The following EFR3B variants were observed in gnomAD, a reference collection of about 807,000 sequenced individuals.
The protein encoded by EFR3B is EFR3 homolog B.
In EFR3B, 64 loss-of-function variants were observed where a neutral mutation model predicts 104.7. That is an observed-to-expected ratio of 0.61 (90% CI 0.50 to 0.75). The LOEUF is 0.75. Ranked by LOEUF, EFR3B falls within the 30% of genes least tolerant of loss-of-function variation. The pLI is 0.00. For missense variants in EFR3B, 750 were observed against 1,078.5 expected (o/e 0.70, Z 4.27); for synonymous variants, 385 against 417.9 (o/e 0.92, Z 0.96).
At chr2:25,108,666 A>G (rs1193343794) in intron 4 of EFR3B, among the ~76,000 whole-genome samples, 2 of 152,226 alleles carry the variant, frequency 1.3e-5, no homozygotes, top group Admixed American at 6.5e-5. Flanking sequence ...AAGCAAAAGC[A>G]ATTATAGAAA....
At chr2:25,094,296 A>AAAAAAG (rs1192977582) in intron 3 of EFR3B, among the ~76,000 whole-genome samples, 1 of 150,996 alleles carries the variant, frequency 6.6e-6, no homozygotes, top group African/African-American at 2.4e-5. Context: ...AAAAAAAAAA[A>AAAAAAG]AAAAAGAAAA....
chr2:25,133,269 T>A, intron 11 of EFR3B, 114 bp from the exon 12 acceptor site: 1 of 1,197,904 alleles, frequency 8.3e-7, no homozygotes, highest in South Asian at 1.3e-5. Context: ...CTGTCCTGGG[T>A]AACCCAACAC....
At chr2:25,104,423 A>T (rs543848785) in intron 4 of EFR3B, among the ~76,000 whole-genome samples, 1 of 152,354 alleles carries the variant, frequency 6.6e-6, no homozygotes, top group South Asian at 2.1e-4. Context: ...AAGTTGTGCA[A>T]CCATTAACAC....
rs183372810 is a variant in EFR3B, at chr2:25,085,756, C to T, written c.8-5569C>T. On this transcript the variant is annotated intron_variant, in intron 1 of 22. Coordinates refer to ENST00000403714, the MANE Select transcript of EFR3B (RefSeq NM_014971.2). ...CTGGGATTACAGGTGTGAGCCACCG[C>T]GCCTGACCAAAATGAGGGTGCTAGT... is the stretch of plus-strand genomic sequence containing the variant. 4.6e-5 allele frequency among the ~76,000 whole-genome samples: 7 copies of T among 151,812 alleles called. No homozygotes were observed. The East Asian group carries it at 9.7e-4, about 21-fold the overall frequency.
At chr2:25,043,524 G>C (rs1667634634) in intron 1 of EFR3B, among the ~76,000 whole-genome samples, 1 of 152,138 alleles carries the variant, frequency 6.6e-6, no homozygotes, top group African/African-American at 2.4e-5. Flanking sequence ...TTTTTCATCG[G>C]TCTCCTTCCC....
intron 4 of EFR3B, among the ~76,000 whole-genome samples, chr2:25,110,981 A>G (rs1002111212): frequency 6.6e-6 from 1 of 152,178 alleles, no homozygotes; most frequent in Non-Finnish European, 1.5e-5. Context: ...GCTTTGTAGA[A>G]TGCCCTCCAT....
At chr2:25,073,951 C>T (rs1016018022) in intron 1 of EFR3B, among the ~76,000 whole-genome samples, 1 of 152,134 alleles carries the variant, frequency 6.6e-6, no homozygotes, top group Non-Finnish European at 1.5e-5. Flanking sequence ...ATCAGTATAC[C>T]CAAGCCGCTT....
chr2:25,043,208 TA>T (rs1254810774), intron 1 of EFR3B, among the ~76,000 whole-genome samples: 1 of 152,056 alleles, frequency 6.6e-6, no homozygotes, highest in Non-Finnish European at 1.5e-5. Flanking sequence ...CCGGTAGACA[TA>T]AGTCCATGAA....
Position 25,114,328 on chromosome 2 carries a change from C to G in EFR3B, c.364-7345C>G, listed in dbSNP as rs1157989777. Among the ~76,000 whole-genome samples, 1 of 152,188 alleles carries G rather than the reference C, an allele frequency of 6.6e-6. No individual in the cohort carries two copies. The highest frequency in any genetic ancestry group is 1.5e-5 in the Non-Finnish European group (1 of 68,042). The stretch of plus-strand genomic sequence containing the variant: ...ACCTAGCTGGGCTGCTGCGACTGCG[C>G]TTTCATACTTCCAGCCTCAGGGAAG... On this transcript the variant is annotated intron_variant, in intron 4 of 22. Transcript: ENST00000403714. The surrounding 1 kb of genome is among the most constrained non-coding windows in gnomAD (Gnocchi z 4.0).
chr2:25,120,517 A>T, intron 4 of EFR3B, among the ~76,000 whole-genome samples: 1 of 151,326 alleles, frequency 6.6e-6, no homozygotes, highest in South Asian at 2.1e-4. Flanking sequence ...GGTGGCACGC[A>T]TCTGTAGTCC....
chr2:25,076,651 T>G (rs1316872551), intron 1 of EFR3B, among the ~76,000 whole-genome samples: 1 of 152,218 alleles, frequency 6.6e-6, no homozygotes, highest in Non-Finnish European at 1.5e-5. Context: ...TCTGTTCATT[T>G]TCATCTATTC....
At chr2:25,043,173 A>G (rs1160147227) in intron 1 of EFR3B, among the ~76,000 whole-genome samples, 2 of 152,036 alleles carry the variant, frequency 1.3e-5, no homozygotes, top group Non-Finnish European at 2.9e-5. Context: ...GCAGCCCACC[A>G]AGGGCTGTGC....
At position 25,131,856 on chromosome 2, in the gene EFR3B, GATC is replaced by G. The variant is rs1173653508; in HGVS notation, c.1097_1099del (p.Ile366del). 6.5e-7 allele frequency: 1 copy of G among 1,549,318 alleles called. No individual in the cohort carries two copies. Among genetic ancestry groups the G allele is most frequent in the Non-Finnish European group, 8.7e-7 (1 of 1,146,284 alleles). On this transcript the variant is annotated inframe_deletion, in exon 10 of 23. Coordinates refer to ENST00000403714, the MANE Select transcript of EFR3B (RefSeq NM_014971.2). The surrounding 1 kb of genome is among the most constrained non-coding windows in gnomAD (Gnocchi z 7.6). ...ACGGGGCGGTCAGCCTCGGCACCAA[GATC>G]ATCAAGGAGCACGAGGAGCGCATGT...
chr2:25,084,074 G>T (rs1668882472), intron 1 of EFR3B, among the ~76,000 whole-genome samples: 1 of 152,028 alleles, frequency 6.6e-6, no homozygotes, highest in Admixed American at 6.6e-5. Flanking sequence ...GCCATTTGGG[G>T]TTCAGATTCT....
intron 4 of EFR3B, among the ~76,000 whole-genome samples, chr2:25,113,934 AGCTTGTCCCAG>A (rs1558607093): frequency 1.3e-5 from 2 of 152,162 alleles, no homozygotes; most frequent in East Asian, 3.9e-4. Context: ...GGGACAAGTA[AGCTTGTCCCAG>A]ATCACCCTAC....
Position 25,091,337 on chromosome 2 carries a change from G to T in EFR3B, c.20G>T (p.Cys7Phe). The change falls in exon 2 of 23, where the codon TGC (cysteine) becomes TTC (phenylalanine). Residue 7 changes from cysteine to phenylalanine, a missense_variant. Transcript: ENST00000403714. Reference protein sequence around the residue: MYGVCGCCGALRPRYKR... With the variant: MYGVCGFCGALRPRYKR... ...ATTCTTATTCCAGGTGTGTGTGGCT[G>T]CTGTGGTGCCCTACGCCCCAGGTAC... The T allele has an allele frequency of 6.5e-7, 1 of 1,550,290 alleles. No homozygotes were observed. The highest frequency in any genetic ancestry group is 8.7e-7 in the Non-Finnish European group (1 of 1,146,482).
chr2:25,149,043 T>C (rs1199710587), intron 19 of EFR3B, among the ~76,000 whole-genome samples: 2 of 151,410 alleles, frequency 1.3e-5, no homozygotes, highest in African/African-American at 4.9e-5. Context: ...TTGTGTTCTC[T>C]GAAGATGTTT....
rs190147144 is a variant in EFR3B, at chr2:25,139,205, G to T, written c.1854+15G>T. 881 of 1,548,588 alleles carry T rather than the reference G, an allele frequency of 5.7e-4. 6 individuals carry two copies. In the South Asian group the frequency reaches 8.7e-3, roughly 15 times the overall value. ...ACATCCATGAGGTTGGTGTTCTCAC[G>T]ACCAAGAGCTCAGGGGGCCCTCAAC... On this transcript the variant is annotated intron_variant, in intron 16 of 22. Coordinates refer to ENST00000403714, the MANE Select transcript of EFR3B (RefSeq NM_014971.2).
At chr2:25,094,896 C>T (rs1264879372) in intron 3 of EFR3B, among the ~76,000 whole-genome samples, 3 of 152,000 alleles carry the variant, frequency 2.0e-5, no homozygotes, top group Non-Finnish European at 4.4e-5. Context: ...CTCAAGACGT[C>T]CTCCCACCTC....
Sources: allele counts gnomAD v4.1 joint callset (sites outside exome capture counted in the v4.1 genomes callset), GRCh38; gene constraint gnomAD v4.1.1; non-coding constraint Gnocchi (gnomAD v3.1); transcripts MANE v1.5; gene names NCBI Gene and HGNC (gene_info 2026-07-23, HGNC 2026-07-21).